The following PTPRD variants were observed in gnomAD, a reference collection of about 807,000 sequenced individuals.
PTPRD encodes the protein receptor-type tyrosine-protein phosphatase delta.
In PTPRD, 34 loss-of-function variants were observed where a neutral mutation model predicts 214.5. The ratio of observed to expected loss-of-function variants is 0.16; its 90% CI spans 0.12 to 0.21. The LOEUF is 0.21. PTPRD is among the 10% of genes least tolerant of loss of function. The pLI, the probability that PTPRD is intolerant of heterozygous loss-of-function variation, is 1.00. For missense variants in PTPRD, 2,545 were observed against 2,398.7 expected, an observed-to-expected ratio of 1.06 and a Z score of -1.27; for synonymous variants, 1,128 against 845.7, an observed-to-expected ratio of 1.33 and a Z score of -5.79.
At chr9:10,498,251 G>A (rs908486453) in intron 2 of PTPRD, among the ~76,000 whole-genome samples, 8 of 151,902 alleles carry the variant, frequency 5.3e-5, no homozygotes, top group African/African-American at 1.7e-4. Context: ...ACATTAAAAT[G>A]AAGTTATGAC....
chr9:10,225,612 A>G (rs769240418), intron 3 of PTPRD, among the ~76,000 whole-genome samples: 1 of 152,026 alleles, frequency 6.6e-6, no homozygotes, highest in Non-Finnish European at 1.5e-5. Context: ...CTGAGACTTG[A>G]TTCAACTCCT....
At chr9:9,851,438 T>A (rs1045615679) in intron 5 of PTPRD, among the ~76,000 whole-genome samples, 1 of 152,218 alleles carries the variant, frequency 6.6e-6, no homozygotes, top group Non-Finnish European at 1.5e-5. Flanking sequence ...AAGATTTAAA[T>A]ATTGCCTCTT....
intron 3 of PTPRD, among the ~76,000 whole-genome samples, chr9:10,058,764 C>G (rs1255382672): frequency 6.6e-6 from 1 of 152,146 alleles, no homozygotes; most frequent in Non-Finnish European, 1.5e-5. Flanking sequence ...TGCTCAGTCA[C>G]AGCACCTATA....
At chr9:8,564,377 C>T (rs947286760) in intron 14 of PTPRD, among the ~76,000 whole-genome samples, 4 of 152,058 alleles carry the variant, frequency 2.6e-5, no homozygotes, top group Non-Finnish European at 4.4e-5. Context: ...TACTATCAGG[C>T]GTGTTTCAAC....
chr9:9,875,470 G>C (rs181774625), intron 5 of PTPRD, among the ~76,000 whole-genome samples: 3 of 152,102 alleles, frequency 2.0e-5, no homozygotes, highest in Admixed American at 2.0e-4. Context: ...GCAAACCAAA[G>C]AGTATCTGAC....
Position 9,825,809 on chromosome 9 carries a change from G to C in PTPRD, c.-367-58958C>G, listed in dbSNP as rs116010466. On this transcript the variant is annotated intron_variant, in intron 5 of 45. Transcript: ENST00000381196. Reference sequence around the variant, plus strand: ...TGTTACCACATTTTCTTCAAAAATTGGGTTTATATTTTTAAAATTATAATT... The same window carrying C: ...TGTTACCACATTTTCTTCAAAAATTCGGTTTATATTTTTAAAATTATAATT... Among the ~76,000 whole-genome samples the C allele has an allele frequency of 8.2e-3, 1,238 of 151,468 alleles. 18 individuals are homozygous for C. The highest frequency in any genetic ancestry group is 0.028 in the African/African-American group (1,170 of 41,378).
intron 3 of PTPRD, among the ~76,000 whole-genome samples, chr9:10,289,023 GTTT>G (rs5896383): frequency 4.7e-4 from 68 of 145,920 alleles, no homozygotes; most frequent in African/African-American, 1.4e-3. Context: ...AAGATGGAGA[GTTT>G]TTTTTTTTTT....
chr9:8,331,261 C>G (rs972076720), intron 44 of PTPRD, among the ~76,000 whole-genome samples: 1 of 151,958 alleles, frequency 6.6e-6, no homozygotes, highest in African/African-American at 2.4e-5. Flanking sequence ...AAAGCAAAAG[C>G]AAATATGAAA....
At chr9:8,378,477 T>C (rs2135056055) in intron 37 of PTPRD, among the ~76,000 whole-genome samples, 1 of 151,990 alleles carries the variant, frequency 6.6e-6, no homozygotes, top group Non-Finnish European at 1.5e-5. Context: ...AACCATGAAA[T>C]AGATGTCAGG....
intron 3 of PTPRD, among the ~76,000 whole-genome samples, chr9:10,252,438 C>T (rs1334616992): frequency 1.3e-5 from 2 of 152,170 alleles, no homozygotes; most frequent in Non-Finnish European, 2.9e-5. Flanking sequence ...CCATCATCAA[C>T]TGCCAAGCTA....
intron 7 of PTPRD, among the ~76,000 whole-genome samples, chr9:9,626,834 T>A (rs185450536): frequency 3.7e-4 from 56 of 152,314 alleles, no homozygotes; most frequent in Admixed American, 3.3e-3. Flanking sequence ...CCTCCAAATC[T>A]GTTTTTCTCA....
chr9:10,415,528 C>T (rs765333243), intron 2 of PTPRD, among the ~76,000 whole-genome samples: 11 of 151,778 alleles, frequency 7.2e-5, no homozygotes, highest in Non-Finnish European at 1.6e-4. Context: ...TAATTTTGGG[C>T]AACAGCTTTT....
chr9:8,816,497 A>T (rs1168655733), intron 11 of PTPRD, among the ~76,000 whole-genome samples: 2 of 152,170 alleles, frequency 1.3e-5, no homozygotes, highest in Non-Finnish European at 2.9e-5. Context: ...ACAGGGCACA[A>T]AACAGCGTTT....
intron 7 of PTPRD, among the ~76,000 whole-genome samples, chr9:9,595,001 A>G (rs2093147066): frequency 6.6e-6 from 1 of 151,956 alleles, no homozygotes; most frequent in African/African-American, 2.4e-5. Flanking sequence ...AACATCACTA[A>G]TGATTAGGGG....
intron 14 of PTPRD, among the ~76,000 whole-genome samples, chr9:8,556,685 T>C (rs981142087): frequency 1.3e-5 from 2 of 152,292 alleles, no homozygotes; most frequent in South Asian, 2.1e-4. Context: ...TCACTTTCAC[T>C]ATGCACTTAG....
At chr9:9,678,574 T>C (rs1351146527) in intron 7 of PTPRD, among the ~76,000 whole-genome samples, 2 of 151,908 alleles carry the variant, frequency 1.3e-5, no homozygotes, top group African/African-American at 4.8e-5. Context: ...ATAAAAATTA[T>C]AGTGAACATC....
chr9:10,371,409 T>C (rs193236098), intron 2 of PTPRD, among the ~76,000 whole-genome samples: 2 of 152,140 alleles, frequency 1.3e-5, no homozygotes, highest in Admixed American at 1.3e-4. Context: ...TTCGCTCTAT[T>C]TTTACATCTT....
At chr9:8,565,018 T>C (rs1187645592) in intron 14 of PTPRD, among the ~76,000 whole-genome samples, 4 of 152,176 alleles carry the variant, frequency 2.6e-5, no homozygotes, top group Admixed American at 6.5e-5. Context: ...AGCTCCTTCA[T>C]TGAAAAATGC....
chr9:9,749,761 A>G (rs944333593), intron 6 of PTPRD, among the ~76,000 whole-genome samples: 1 of 152,216 alleles, frequency 6.6e-6, no homozygotes, highest in Non-Finnish European at 1.5e-5. Context: ...CTCATAAGGC[A>G]AAAGTTAGGA....
Sources: gnomAD v4.1 joint callset for allele counts (sites outside exome capture counted in the v4.1 genomes callset) on GRCh38, gnomAD v4.1.1 for gene constraint, MANE v1.5 for transcripts, NCBI Gene and HGNC (gene_info 2026-07-23, HGNC 2026-07-21) for gene names.